CNTNAP2: variants seen among roughly 807,000 people sequenced by gnomAD.
The protein encoded by CNTNAP2 is contactin-associated protein-like 2.
A neutral mutation model predicts 155.2 loss-of-function variants in CNTNAP2; 98 were observed. The observed-to-expected ratio is 0.63, with a 90% confidence interval of 0.54 to 0.75. The LOEUF (loss-of-function observed/expected upper bound fraction) is 0.75. CNTNAP2 is among the 30% of genes least tolerant of loss of function. CNTNAP2 has a pLI of 0.00. For synonymous variants in CNTNAP2, 651 were observed against 631.2 expected (o/e 1.03, Z -0.47); for missense variants, 1,727 against 1,688.1 (o/e 1.02, Z -0.40).
At chr7:146,716,214 A>AG in intron 1 of CNTNAP2, among the ~76,000 whole-genome samples, 1 of 95,706 alleles carries the variant, frequency 1.0e-5, no homozygotes, top group Non-Finnish European at 1.9e-5. Flanking sequence ...AGTCTGCAGG[A>AG]AAAAAAAAAA....
chr7:148,139,568 G>C (rs1020126249), intron 16 of CNTNAP2, among the ~76,000 whole-genome samples: 12 of 152,044 alleles, frequency 7.9e-5, no homozygotes, highest in African/African-American at 2.2e-4. Context: ...CTGTTGCCTG[G>C]TCTGGAGTGC....
chr7:147,507,277 G>A (rs1390876436), intron 11 of CNTNAP2, among the ~76,000 whole-genome samples: 3 of 152,130 alleles, frequency 2.0e-5, no homozygotes, highest in Non-Finnish European at 4.4e-5. Flanking sequence ...GCAGGGGTAT[G>A]AAAATAAGGT....
intron 2 of CNTNAP2, among the ~76,000 whole-genome samples, chr7:146,793,363 G>A (rs1338452989): frequency 6.6e-6 from 1 of 152,174 alleles, no homozygotes; most frequent in Non-Finnish European, 1.5e-5. Flanking sequence ...GCATGTGTTA[G>A]TCCTTCTAGC....
At chr7:146,217,055 C>G (rs572263338) in intron 1 of CNTNAP2, among the ~76,000 whole-genome samples, 45 of 152,224 alleles carry the variant, frequency 3.0e-4, no homozygotes, top group Middle Eastern at 6.8e-3. Context: ...TTTTTAGGAA[C>G]TTTCATTTTT....
chr7:146,910,760 C>G (rs1796255707), intron 3 of CNTNAP2, among the ~76,000 whole-genome samples: 1 of 148,634 alleles, frequency 6.7e-6, no homozygotes, highest in Non-Finnish European at 1.5e-5. Context: ...GACTTCATGT[C>G]TAAAACACCA....
intron 21 of CNTNAP2, among the ~76,000 whole-genome samples, chr7:148,305,629 A>G (rs1194932003): frequency 6.6e-6 from 1 of 152,264 alleles, no homozygotes; most frequent in Non-Finnish European, 1.5e-5. Context: ...GTGAAGGGGA[A>G]GTAAGCATGT....
At chr7:148,003,553 C>T (rs1187010617) in intron 15 of CNTNAP2, among the ~76,000 whole-genome samples, 2 of 152,098 alleles carry the variant, frequency 1.3e-5, no homozygotes, top group Non-Finnish European at 2.9e-5. Flanking sequence ...CATTGAGAAT[C>T]GGAGAGGGCA....
Position 147,645,513 on chromosome 7 carries a change from G to A in CNTNAP2, c.2098+6207G>A, listed in dbSNP as rs1453292130. 2.0e-5 allele frequency among the ~76,000 whole-genome samples: 3 copies of A among 152,136 alleles called. No homozygotes were observed. The South Asian group carries it at 6.2e-4, about 32-fold the overall frequency. On this transcript the variant is annotated intron_variant, in intron 13 of 23. Coordinates refer to ENST00000361727, the MANE Select transcript of CNTNAP2 (RefSeq NM_014141.6). ...AGCAACGAGGATAGTAATAACTAAAGGGTAAAATTAGAAAATTGTATCGAG... is the reference window on the plus strand; with the variant it reads ...AGCAACGAGGATAGTAATAACTAAAAGGTAAAATTAGAAAATTGTATCGAG...
chr7:147,997,011 T>C lies in CNTNAP2; in HGVS notation c.2383+19022T>C, dbSNP rs1291932127. Among the ~76,000 whole-genome samples, 4 of 152,320 alleles carry C rather than the reference T, an allele frequency of 2.6e-5. No individual in the cohort carries two copies. The East Asian group carries it at 7.7e-4, about 29-fold the overall frequency. On this transcript the variant is annotated intron_variant, in intron 15 of 23. Transcript: ENST00000361727. ...TGTAAAAGAGACCCCAGAGAGCTTA[T>C]TGGCCCTTTCTGCCATGAGAGACTT... is the stretch of plus-strand genomic sequence containing the variant.
intron 12 of CNTNAP2, among the ~76,000 whole-genome samples, chr7:147,593,430 C>G (rs189897942): frequency 4.0e-5 from 6 of 151,782 alleles, no homozygotes; most frequent in African/African-American, 1.5e-4. Flanking sequence ...TGACATGGCT[C>G]TGTTATTAAT....
intron 1 of CNTNAP2, among the ~76,000 whole-genome samples, chr7:146,444,785 G>A (rs949553949): frequency 2.0e-5 from 3 of 151,578 alleles, no homozygotes; most frequent in Admixed American, 2.0e-4. Context: ...AGCCTCCCGT[G>A]TAGCTGGGAT....
At chr7:146,560,488 A>C (rs1367925415) in intron 1 of CNTNAP2, among the ~76,000 whole-genome samples, 1 of 151,850 alleles carries the variant, frequency 6.6e-6, no homozygotes, top group East Asian at 1.9e-4. Context: ...ATATATATAT[A>C]TTTGGCTAAG....
chr7:147,460,340 A>G (rs1016293466), intron 10 of CNTNAP2, among the ~76,000 whole-genome samples: 2 of 152,108 alleles, frequency 1.3e-5, no homozygotes, highest in South Asian at 2.1e-4. Flanking sequence ...ATGTTCTGGT[A>G]TCTACTAACA....
intron 13 of CNTNAP2, among the ~76,000 whole-genome samples, chr7:147,809,733 C>G (rs79403429): frequency 6.6e-6 from 1 of 152,122 alleles, no homozygotes; most frequent in Admixed American, 6.6e-5. Context: ...GTGTGTTATG[C>G]TACAATTTGT....
chr7:147,851,486 A>C (rs553274009), intron 13 of CNTNAP2, among the ~76,000 whole-genome samples: 1 of 152,120 alleles, frequency 6.6e-6, no homozygotes, highest in Non-Finnish European at 1.5e-5. Flanking sequence ...TGTTTATTGC[A>C]GCACTATTCA....
chr7:148,075,827 C>T (rs1187263078), intron 15 of CNTNAP2, among the ~76,000 whole-genome samples: 1 of 152,184 alleles, frequency 6.6e-6, no homozygotes, highest in Non-Finnish European at 1.5e-5. Flanking sequence ...GGGAAAGCAA[C>T]CACATAGTAC....
chr7:147,048,865 T>C (rs1799417994), intron 4 of CNTNAP2, among the ~76,000 whole-genome samples: 1 of 152,214 alleles, frequency 6.6e-6, no homozygotes, highest in South Asian at 2.1e-4. Context: ...GTCTCTATTG[T>C]TTTTTCTTAG....
rs567823757 is a variant in CNTNAP2 at position 147,176,966 on chromosome 7, TC to T, written c.1348+44458del. 3.8e-3 allele frequency among the ~76,000 whole-genome samples: 530 copies of T among 138,324 alleles called. 5 individuals are homozygous for T. The highest frequency in any genetic ancestry group is 0.014 in the African/African-American group (504 of 37,318). 90.7% of individuals were successfully genotyped at this position (138,324 alleles called of 152,430 possible). A position where few individuals can be genotyped will look rare whatever the true frequency, so the allele number is the denominator to read the frequency against. ...TTATAATTCTAAATATAATTATAAT[TC>T]TATATATAAAATTATAGATATAATT... On this transcript the variant is annotated intron_variant, in intron 8 of 23. Transcript: ENST00000361727.
At chr7:146,437,133 T>C (rs948140832) in intron 1 of CNTNAP2, among the ~76,000 whole-genome samples, 3 of 151,298 alleles carry the variant, frequency 2.0e-5, no homozygotes, top group African/African-American at 4.9e-5. Flanking sequence ...TGAACCTTAC[T>C]GTGAACGTGC....
Sources: allele counts gnomAD v4.1 joint callset (sites outside exome capture counted in the v4.1 genomes callset), GRCh38; gene constraint gnomAD v4.1.1; transcripts MANE v1.5; gene names NCBI Gene and HGNC (gene_info 2026-07-23, HGNC 2026-07-21).